TRPM3: variants seen among roughly 807,000 people sequenced by gnomAD.
TRPM3 encodes transient receptor potential cation channel subfamily M member 3.
Under a neutral mutation model 181.2 loss-of-function variants are expected in TRPM3, and 77 were observed. The observed-to-expected ratio is 0.42, with a 90% confidence interval of 0.35 to 0.51. The LOEUF (loss-of-function observed/expected upper bound fraction) is 0.51, where lower values mean the gene tolerates loss of function less well. TRPM3 is among the 20% of genes least tolerant of loss of function. The pLI, the probability that TRPM3 is intolerant of heterozygous loss-of-function variation, is 0.01. For missense variants in TRPM3, 1,759 were observed against 2,196.7 expected, an observed-to-expected ratio of 0.80 and a Z score of 3.98; for synonymous variants, 745 against 796.4, an observed-to-expected ratio of 0.94 and a Z score of 1.09.
intron 1 of TRPM3, among the ~76,000 whole-genome samples, chr9:71,059,010 C>CTTTTTTTTT (rs1491270019): frequency 1.3e-4 from 2 of 15,936 alleles, no homozygotes; most frequent in African/African-American, 2.4e-4. Flanking sequence ...TTTGTTTGTT[C>CTTTTTTTTT]ATTTTTTTTT....
intron 9 of TRPM3, among the ~76,000 whole-genome samples, chr9:70,644,539 G>T (rs1485799565): frequency 6.6e-6 from 1 of 152,014 alleles, no homozygotes. Flanking sequence ...AATAAACTAG[G>T]TATTGATGGA....
chr9:70,784,286 TA>T lies in TRPM3; in HGVS notation c.974-8del. 6.4e-7 allele frequency: 1 copy of T among 1,562,176 alleles called. No individual in the cohort carries two copies. Among genetic ancestry groups the T allele is most frequent in the Non-Finnish European group, 8.7e-7 (1 of 1,151,542 alleles). On this transcript the variant is annotated splice_region_variant and splice_polypyrimidine_tract_variant and intron_variant, in intron 6 of 25. Coordinates refer to ENST00000677713, the MANE Select transcript of TRPM3 (RefSeq NM_001366145.2). ...GGAACACCTTGACCGATTCCTGCAT[TA>T]AAAAAGGAAAAGAAAAGGAAAAAAA...
At chr9:70,617,837 T>A (rs1381607015) in intron 17 of TRPM3, among the ~76,000 whole-genome samples, 1 of 152,116 alleles carries the variant, frequency 6.6e-6, no homozygotes, top group Non-Finnish European at 1.5e-5. Context: ...TGGTGGCTTG[T>A]GCCTATAATC....
chr9:70,931,613 C>A (rs1230068885), intron 1 of TRPM3, among the ~76,000 whole-genome samples: 1 of 150,848 alleles, frequency 6.6e-6, no homozygotes, highest in Admixed American at 6.6e-5. Flanking sequence ...TACTATAATT[C>A]TTTTGCAGCA....
At chr9:70,869,315 C>T (rs1303483312) in intron 1 of TRPM3, among the ~76,000 whole-genome samples, 3 of 151,966 alleles carry the variant, frequency 2.0e-5, no homozygotes, top group Non-Finnish European at 2.9e-5. Context: ...TCGGATTTAA[C>T]TGGCACAGGT....
intron 9 of TRPM3, among the ~76,000 whole-genome samples, chr9:70,673,944 C>A (rs2063477235): frequency 1.5e-5 from 1 of 67,778 alleles, no homozygotes. Context: ...AGTAAAACTC[C>A]ATCTCAAAAA....
chr9:71,290,204 ACT>A (rs1267056318), intron 1 of TRPM3, among the ~76,000 whole-genome samples: 3 of 152,002 alleles, frequency 2.0e-5, no homozygotes, highest in African/African-American at 7.2e-5. Flanking sequence ...AATGTGACGC[ACT>A]CTTTTTCAGA....
rs1476680664 is a variant in TRPM3, at chr9:71,045,656, G to A, written c.177+75522C>T. 2.6e-5 allele frequency among the ~76,000 whole-genome samples: 4 copies of A among 152,186 alleles called. No homozygotes were observed. The East Asian group carries it at 7.7e-4, about 29-fold the overall frequency. On this transcript the variant is annotated intron_variant, in intron 1 of 25. Transcript: ENST00000677713. Reference sequence around the variant, plus strand: ...ATGCAGACAAGAAATTTTTGACTGGGAGAAAGAAAGAATAGAGTTTTCCTA... The same window carrying A: ...ATGCAGACAAGAAATTTTTGACTGGAAGAAAGAAAGAATAGAGTTTTCCTA...
At chr9:70,551,158 CAAT>C (rs1470516674) in intron 24 of TRPM3, among the ~76,000 whole-genome samples, 5 of 152,152 alleles carry the variant, frequency 3.3e-5, no homozygotes, top group Non-Finnish European at 7.3e-5. Context: ...CAAATTTTAA[CAAT>C]AAAAATTAAA....
At chr9:70,696,009 CAG>C (rs2070291405) in intron 8 of TRPM3, among the ~76,000 whole-genome samples, 1 of 152,160 alleles carries the variant, frequency 6.6e-6, no homozygotes, top group South Asian at 2.1e-4. Flanking sequence ...AGAGACCAGA[CAG>C]AGACTCACGT....
At chr9:70,913,768 G>A (rs2096562510) in intron 1 of TRPM3, among the ~76,000 whole-genome samples, 1 of 152,022 alleles carries the variant, frequency 6.6e-6, no homozygotes, top group Non-Finnish European at 1.5e-5. Context: ...GCAACTCAAT[G>A]TCTCTCTCTG....
At chr9:71,252,728 G>C (rs2082419191) in intron 1 of TRPM3, among the ~76,000 whole-genome samples, 1 of 152,026 alleles carries the variant, frequency 6.6e-6, no homozygotes, top group African/African-American at 2.4e-5. Context: ...CTGGAGTGCA[G>C]TGGAGCAGTC....
At chr9:70,808,295 A>C (rs576080446) in intron 6 of TRPM3, among the ~76,000 whole-genome samples, 1 of 152,336 alleles carries the variant, frequency 6.6e-6, no homozygotes, top group Non-Finnish European at 1.5e-5. Flanking sequence ...TTCTTCCCTG[A>C]ATGTAAAAGT....
intron 1 of TRPM3, among the ~76,000 whole-genome samples, chr9:70,944,890 T>TG (rs1326135373): frequency 2.7e-5 from 4 of 148,954 alleles, no homozygotes; most frequent in African/African-American, 9.9e-5. Context: ...TGCTCACAGG[T>TG]GAAAAAAAAA....
intron 25 of TRPM3, among the ~76,000 whole-genome samples, chr9:70,546,487 A>C (rs1399005780): frequency 6.6e-6 from 1 of 152,170 alleles, no homozygotes; most frequent in Non-Finnish European, 1.5e-5. Flanking sequence ...ATGAGGCTGC[A>C]TGTTTCCTGA....
chr9:71,115,803 T>A (rs2072230145), intron 1 of TRPM3, among the ~76,000 whole-genome samples: 1 of 152,164 alleles, frequency 6.6e-6, no homozygotes, highest in South Asian at 2.1e-4. Context: ...GACAGAACTC[T>A]CCAGAGAGAC....
At chr9:71,252,619 G>A (rs1203089045) in intron 1 of TRPM3, among the ~76,000 whole-genome samples, 2 of 152,114 alleles carry the variant, frequency 1.3e-5, no homozygotes, top group Non-Finnish European at 2.9e-5. Flanking sequence ...GGGAGAAACA[G>A]CCCACAAAAT....
At chr9:71,149,605 A>G (rs1189077413) in intron 1 of TRPM3, among the ~76,000 whole-genome samples, 1 of 152,130 alleles carries the variant, frequency 6.6e-6, no homozygotes, top group Non-Finnish European at 1.5e-5. Flanking sequence ...TAAATAATGA[A>G]AATCCACTTG....
At chr9:70,845,088 G>A (rs974620476) in intron 4 of TRPM3, among the ~76,000 whole-genome samples, 9 of 152,142 alleles carry the variant, frequency 5.9e-5, no homozygotes, top group African/African-American at 2.2e-4. Flanking sequence ...CATTGAACAT[G>A]AGCAGTCTGC....
Sources: gnomAD v4.1 joint callset for allele counts (sites outside exome capture counted in the v4.1 genomes callset) on GRCh38, gnomAD v4.1.1 for gene constraint, MANE v1.5 for transcripts, NCBI Gene and HGNC (gene_info 2026-07-23, HGNC 2026-07-21) for gene names.